Variants in PTPRM observed in about 807,000 individuals in gnomAD.
PTPRM encodes the protein receptor-type tyrosine-protein phosphatase mu.
In PTPRM, 47 loss-of-function variants were observed where a neutral mutation model predicts 186.7. The observed-to-expected ratio is 0.25, with a 90% CI of 0.20 to 0.32. The LOEUF (loss-of-function observed/expected upper bound fraction) is 0.32, where lower values mean the gene tolerates loss of function less well. PTPRM is among the 10% of genes least tolerant of loss of function. PTPRM has a pLI of 1.00. For synonymous variants in PTPRM, 668 were observed against 674.9 expected, an observed-to-expected ratio of 0.99 and a Z score of 0.16; for missense variants, 1,494 against 1,865.0, an observed-to-expected ratio of 0.80 and a Z score of 3.66.
intron 7 of PTPRM, among the ~76,000 whole-genome samples, chr18:8,040,788 A>C (rs1466934923): frequency 6.6e-6 from 1 of 152,202 alleles, no homozygotes; most frequent in East Asian, 1.9e-4. Context: ...TTGTTCATTT[A>C]TCAGTTTCTG....
chr18:7,867,993 T>C (rs1452698754), intron 2 of PTPRM, among the ~76,000 whole-genome samples: 2 of 152,202 alleles, frequency 1.3e-5, no homozygotes, highest in Non-Finnish European at 2.9e-5. Context: ...GATTTGGCTA[T>C]TGATACTTGT....
chr18:8,219,689 G>T (rs531076215), intron 14 of PTPRM, among the ~76,000 whole-genome samples: 4 of 152,170 alleles, frequency 2.6e-5, no homozygotes, highest in African/African-American at 7.2e-5. Context: ...GTCAATAGAT[G>T]GATTCAGAGA....
chr18:7,713,697 CAAAA>C (rs139119900), intron 1 of PTPRM, among the ~76,000 whole-genome samples: 12 of 115,908 alleles, frequency 1.0e-4, no homozygotes, highest in Non-Finnish European at 1.9e-4. Context: ...AAATGGAAAG[CAAAA>C]AAAAAAAAAA....
At chr18:7,625,037 G>T (rs750634625) in intron 1 of PTPRM, among the ~76,000 whole-genome samples, 8 of 152,036 alleles carry the variant, frequency 5.3e-5, no homozygotes, top group Non-Finnish European at 1.0e-4. Context: ...ATCACTTTTT[G>T]CCTCTAACAG....
At chr18:7,913,490 G>A (rs1037935557) in intron 4 of PTPRM, among the ~76,000 whole-genome samples, 8 of 152,254 alleles carry the variant, frequency 5.3e-5, no homozygotes, top group African/African-American at 1.9e-4. Context: ...TTTTTAGGAA[G>A]AAAGTTCCTT....
intron 14 of PTPRM, among the ~76,000 whole-genome samples, chr18:8,220,394 A>G (rs534634881): frequency 1.9e-4 from 29 of 152,306 alleles, no homozygotes; most frequent in Admixed American, 9.1e-4. Flanking sequence ...GTCATAAGAT[A>G]CTCTTACTTT....
chr18:7,979,678 C>T (rs1296382281), intron 7 of PTPRM, among the ~76,000 whole-genome samples: 1 of 152,072 alleles, frequency 6.6e-6, no homozygotes, highest in Non-Finnish European at 1.5e-5. Context: ...AATACAAAGT[C>T]GAAAAATGAG....
intron 23 of PTPRM, among the ~76,000 whole-genome samples, chr18:8,349,081 C>T (rs959885933): frequency 3.3e-5 from 5 of 152,240 alleles, no homozygotes; most frequent in Middle Eastern, 3.4e-3. Flanking sequence ...GAACACTAGA[C>T]GTCAGAACTA....
intron 29 of PTPRM, among the ~76,000 whole-genome samples, chr18:8,383,898 G>T (rs1002873837): frequency 6.6e-6 from 1 of 152,172 alleles, no homozygotes; most frequent in Non-Finnish European, 1.5e-5. Flanking sequence ...TCCTGGGGTG[G>T]CACCTAGTGC....
intron 7 of PTPRM, among the ~76,000 whole-genome samples, chr18:8,049,837 G>T (rs1009139319): frequency 6.6e-6 from 1 of 151,564 alleles, no homozygotes; most frequent in Non-Finnish European, 1.5e-5. Context: ...TCAGCCTCCC[G>T]AGTAGCTGAG....
chr18:8,374,800 T>C (rs1388999055), intron 24 of PTPRM, among the ~76,000 whole-genome samples: 1 of 152,258 alleles, frequency 6.6e-6, no homozygotes, highest in East Asian at 1.9e-4. Context: ...AAGGAAGTCT[T>C]ATCTCGAAAT....
At chr18:8,208,857 A>C (rs528715052) in intron 14 of PTPRM, among the ~76,000 whole-genome samples, 1 of 152,336 alleles carries the variant, frequency 6.6e-6, no homozygotes, top group South Asian at 2.1e-4. Context: ...GAAGGAAGCC[A>C]TGAAGACATC....
At chr18:7,697,972 G>T (rs1568036176) in intron 1 of PTPRM, among the ~76,000 whole-genome samples, 1 of 152,244 alleles carries the variant, frequency 6.6e-6, no homozygotes, top group Non-Finnish European at 1.5e-5. Flanking sequence ...ATTTTGTTCT[G>T]TTGTAGTCAA....
chr18:8,049,452 A>G (rs1183231107), intron 7 of PTPRM: 2 of 152,156 alleles, frequency 1.3e-5, no homozygotes, highest in Non-Finnish European at 2.9e-5. Flanking sequence ...AGAAAAGGAG[A>G]TATTTCTAGA....
intron 7 of PTPRM, among the ~76,000 whole-genome samples, chr18:8,000,896 C>T (rs1814760788): frequency 1.3e-5 from 2 of 152,174 alleles, no homozygotes; most frequent in Non-Finnish European, 1.5e-5. Context: ...CAGTGGCAGG[C>T]ACTTGAATAA....
intron 23 of PTPRM, among the ~76,000 whole-genome samples, chr18:8,353,383 T>C (rs1208386350): frequency 6.6e-6 from 1 of 152,106 alleles, no homozygotes; most frequent in African/African-American, 2.4e-5. Context: ...TTGGTGACCA[T>C]TAAGAAAAGG....
chr18:8,182,177 A>G (rs1020195505), intron 14 of PTPRM, among the ~76,000 whole-genome samples: 1 of 152,132 alleles, frequency 6.6e-6, no homozygotes, highest in Admixed American at 6.5e-5. Context: ...TCTTTTTTAT[A>G]TGATTATGGT....
chr18:8,206,175 CAGAG>C (rs2093925533), intron 14 of PTPRM, among the ~76,000 whole-genome samples: 1 of 151,690 alleles, frequency 6.6e-6, no homozygotes, highest in Admixed American at 6.5e-5. Context: ...GTAGTAGAAG[CAGAG>C]AGAAATGCAG....
chr18:7,634,477 T>C (rs1000097941), intron 1 of PTPRM, among the ~76,000 whole-genome samples: 14 of 152,216 alleles, frequency 9.2e-5, no homozygotes, highest in African/African-American at 3.1e-4. Flanking sequence ...GCTGTGAAGG[T>C]AGGACATGCT....
Sources: gnomAD v4.1 joint callset for allele counts (sites outside exome capture counted in the v4.1 genomes callset) on GRCh38, gnomAD v4.1.1 for gene constraint, MANE v1.5 for transcripts, NCBI Gene and HGNC (gene_info 2026-07-23, HGNC 2026-07-21) for gene names.